The following USF1 variants were observed in gnomAD, a reference collection of about 807,000 sequenced individuals.
The protein encoded by USF1 is upstream stimulatory factor 1.
USF1 carries 22 observed loss-of-function variants against 46.3 expected under a neutral mutation model. That is an observed-to-expected ratio of 0.47 (90% confidence interval 0.34 to 0.68). The LOEUF is 0.68. Ranked by LOEUF, USF1 falls within the 30% of genes least tolerant of loss-of-function variation. The pLI is 0.01. For missense variants in USF1, 287 were observed against 399.3 expected (o/e 0.72, Z 2.40); for synonymous variants, 150 against 147.0 (o/e 1.02, Z -0.15).
At position 161,039,702 on chromosome 1, in the gene USF1, A is replaced by G; in HGVS notation, c.*218T>C. On this transcript the variant is annotated 3_prime_UTR_variant, in exon 11 of 11. Coordinates refer to ENST00000368021, the MANE Select transcript of USF1 (RefSeq NM_007122.5). The stretch of plus-strand genomic sequence containing the variant: ...AGGAGCACAAGGGCCCAGGGGCTGC[A>G]TGGTGGGGGTGGGCAAGGCTGTCAG... The G allele has an allele frequency of 1.7e-6, 1 of 579,816 alleles. No homozygotes were observed. The highest frequency in any genetic ancestry group is 3.1e-6 in the Non-Finnish European group (1 of 324,806). 35.9% of individuals were successfully genotyped at this position (579,816 alleles called of 1,614,324 possible).
chr1:161,039,651 T>C lies in USF1; in HGVS notation c.*269A>G. 2.1e-6 allele frequency: 1 copy of C among 481,962 alleles called. No individual in the cohort carries two copies. The highest frequency in any genetic ancestry group is 3.8e-6 in the Non-Finnish European group (1 of 263,838). 29.9% of individuals were successfully genotyped at this position (481,962 alleles called of 1,614,324 possible). On this transcript the variant is annotated 3_prime_UTR_variant, in exon 11 of 11. Transcript: ENST00000368021. ...AGTTTAGTGTGTCCAGTATCCAGCA[T>C]GGAGACAGCACATGCATTGTGCGAG...
chr1:161,041,455 C>T (rs769540424), intron 6 of USF1, 44 bp from the exon 7 acceptor site: 1 of 1,593,724 alleles, frequency 6.3e-7, no homozygotes, highest in African/African-American at 1.3e-5. Flanking sequence ...TGGGTAGGAA[C>T]CTCACCAAGC....
Position 161,041,639 on chromosome 1 carries a change from G to A in USF1, c.472+12C>T. 6.2e-7 allele frequency: 1 copy of A among 1,600,800 alleles called. No homozygotes were observed. Among genetic ancestry groups the A allele is most frequent in the Non-Finnish European group, 8.5e-7 (1 of 1,170,258 alleles). On this transcript the variant is annotated intron_variant, in intron 6 of 10. Transcript: ENST00000368021. The stretch of plus-strand genomic sequence containing the variant: ...TAGCCCTTTCAGCCAGCATCCTCAT[G>A]CAATATCTCACCAGTGCCAGGAGGG...
chr1:161,040,781 G>C lies in USF1; in HGVS notation c.619+33C>G. On this transcript the variant is annotated intron_variant, in intron 8 of 10. Coordinates refer to ENST00000368021, the MANE Select transcript of USF1 (RefSeq NM_007122.5). The surrounding 1 kb of genome is among the most constrained non-coding windows in gnomAD (Gnocchi z 4.0). ...AGACATCACTGCTGAGATCACACCA[G>C]ACAGCTTCTAGCTCCACCCAGATCA... 1 of 1,613,938 alleles carries C rather than the reference G, an allele frequency of 6.2e-7. No homozygotes were observed. The highest frequency in any genetic ancestry group is 1.1e-5 in the South Asian group (1 of 91,068).
chr1:161,040,440 A>G lies in USF1; in HGVS notation c.715-110T>C, dbSNP rs766960911. ...ATTTTCATCTAAGGAAGGTGGTATA[A>G]TATCTCCCAGGGATACAGGAACCTC... On this transcript the variant is annotated intron_variant, in intron 9 of 10. Transcript: ENST00000368021. The surrounding 1 kb of genome is among the most constrained non-coding windows in gnomAD (Gnocchi z 4.0). The G allele has an allele frequency of 1.3e-5, 20 of 1,573,814 alleles. No individual in the cohort carries two copies. The Admixed American group carries it at 1.9e-4, about 15-fold the overall frequency.
At chr1:161,041,028 G>A (rs911103152) in intron 7 of USF1, among the ~76,000 whole-genome samples, 156 bp from the exon 8 acceptor site, 2 of 152,044 alleles carry the variant, frequency 1.3e-5, no homozygotes, top group African/African-American at 2.4e-5. Context: ...TTGGGAGGCC[G>A]AGGCAGGCGG....
At position 161,040,733 on chromosome 1, in the gene USF1, A is replaced by C; in HGVS notation, c.620-63T>G. The C allele has an allele frequency of 1.2e-6, 2 of 1,612,896 alleles. No individual in the cohort carries two copies. Among genetic ancestry groups the C allele is most frequent in the African/African-American group, 2.7e-5 (2 of 74,912 alleles). ...AACTCGCCACAAGTCCCAGGGTAAA[A>C]TTACCTAATCCCTCCTCCCCTCAGA... On this transcript the variant is annotated intron_variant, in intron 8 of 10. Transcript: ENST00000368021. The surrounding 1 kb of genome is among the most constrained non-coding windows in gnomAD (Gnocchi z 4.0).
In USF1 at chr1:161,040,562, G is replaced by A; in HGVS notation, c.714+14C>T. 1.9e-6 allele frequency: 3 copies of A among 1,610,032 alleles called. No homozygotes were observed. The highest frequency in any genetic ancestry group is 2.5e-6 in the Non-Finnish European group (3 of 1,178,608). On this transcript the variant is annotated intron_variant, in intron 9 of 10. Coordinates refer to ENST00000368021, the MANE Select transcript of USF1 (RefSeq NM_007122.5). This position sits in a 1 kb window ranked among gnomAD's most constrained non-coding sequence, Gnocchi z 4.0. ...ATTCAGGCATCCTGCCCACTACCAG[G>A]GTCTTTCCATGACCTGGCCAGACTT...
Position 161,041,714 on chromosome 1 carries a change from C to T in USF1, c.409G>A (p.Ala137Thr). The T allele has an allele frequency of 6.2e-7, 1 of 1,614,078 alleles. No homozygotes were observed. The highest frequency in any genetic ancestry group is 2.2e-5 in the East Asian group (1 of 44,886). Residue 137 changes from alanine to threonine, a missense_variant, in exon 6 of 11, where the codon GCT (alanine) becomes ACT (threonine). Coordinates refer to ENST00000368021, the MANE Select transcript of USF1 (RefSeq NM_007122.5). ...GAGCCCTGGGTAGTAACAACAGCAGCTGTACTCCCCGATGTGGTACCCCCT... is the reference window on the plus strand; with the variant it reads ...GAGCCCTGGGTAGTAACAACAGCAGTTGTACTCCCCGATGTGGTACCCCCT... ...GAGGTTSGSTAAVVTTQGSEA... is the reference protein window; with the variant it reads ...GAGGTTSGSTTAVVTTQGSEA...
intron 7 of USF1, 47 bp downstream of exon 7, chr1:161,041,277 A>AG: frequency 7.0e-7 from 1 of 1,428,352 alleles, no homozygotes; most frequent in Non-Finnish European, 9.4e-7. Context: ...AAAAAAAAAA[A>AG]AAAAAAAACC....
Position 161,041,411 on chromosome 1 carries a change from C to A in USF1, c.473G>T (p.Gly158Val). ...TGGTGACATCATCACAAAGAATTGA[C>A]CTGTGAAGATGCAGGGTAGGTTCTG... ...LLGQATPPGT[G>V]QFFVMMSPQE... is the part of the protein sequence containing the mutation. Residue 158 changes from glycine to valine, a missense_variant and splice_region_variant, in exon 7 of 11, where the codon GGT becomes GTT. By Grantham distance (109) the Gly-to-Val change is moderately radical (BLOSUM62 -3). Transcript: ENST00000368021. 6.2e-7 allele frequency: 1 copy of A among 1,613,552 alleles called. No individual in the cohort carries two copies. The highest frequency in any genetic ancestry group is 8.5e-7 in the Non-Finnish European group (1 of 1,179,898).
chr1:161,044,469 T>A (rs1650713980), intron 1 of USF1, among the ~76,000 whole-genome samples: 1 of 152,228 alleles, frequency 6.6e-6, no homozygotes, highest in Non-Finnish European at 1.5e-5. Flanking sequence ...AGAATATCCC[T>A]GACCACAAAG....
At position 161,042,144 on chromosome 1, in the gene USF1, C is replaced by G. The variant is rs1473936372; in HGVS notation, c.248G>C (p.Gly83Ala). The G allele has an allele frequency of 1.9e-6, 3 of 1,613,890 alleles. No individual in the cohort carries two copies. The highest frequency in any genetic ancestry group is 2.5e-6 in the Non-Finnish European group (3 of 1,179,880). ...GGTCATGGATTGAGTGGCAGGGTAG[C>G]CACTGATGGCGCCAGTTCCCTCAGT... is the stretch of plus-strand genomic sequence containing the variant. Reference protein sequence around the residue: ...GQTEGTGAISGYPATQSMTQA... With the variant: ...GQTEGTGAISAYPATQSMTQA... The change falls in exon 5 of 11, where the codon GGC becomes GCC. Residue 83 changes from glycine to alanine, a missense_variant. Gly to Ala is a moderately conservative substitution (Grantham distance 60). Transcript: ENST00000368021.
In USF1 at chr1:161,040,584, A is replaced by C; in HGVS notation, c.706T>G (p.Ser236Ala). ...CAGGGTCTTTCCATGACCTGGCCAG[A>C]CTTGGTGCTCTCCATAGAGCAGTCT... ...IPDCSMESTK[S>A]GQSKGGILSK... Residue 236 changes from serine (S) to alanine (A), a missense_variant, in exon 9 of 11, where the codon TCT becomes GCT. Physicochemically the swap from Ser to Ala is moderately conservative, Grantham distance 99. Transcript: ENST00000368021. This position sits in a 1 kb window ranked among gnomAD's most constrained non-coding sequence, Gnocchi z 4.0. The C allele has an allele frequency of 6.2e-7, 1 of 1,612,340 alleles. No individual in the cohort carries two copies. The highest frequency in any genetic ancestry group is 8.5e-7 in the Non-Finnish European group (1 of 1,179,724).
chr1:161,041,438 C>T (rs1213833794), intron 6 of USF1, 27 bp from the exon 7 acceptor site: 1 of 1,609,396 alleles, frequency 6.2e-7, no homozygotes, highest in Admixed American at 1.7e-5. Flanking sequence ...TAGGTTCTGT[C>T]AGGACATGGG....
chr1:161,044,687 G>GT (rs1650722589), intron 1 of USF1, among the ~76,000 whole-genome samples: 1 of 109,746 alleles, frequency 9.1e-6, no homozygotes, highest in African/African-American at 2.7e-5. Context: ...GCAAGAAGGG[G>GT]TAAAAAAAAA....
In USF1 at chr1:161,042,367, C is replaced by T. The variant is rs181108039; in HGVS notation, c.175-150G>A. 451 of 1,052,868 alleles carry T rather than the reference C, an allele frequency of 4.3e-4. No homozygotes were observed. The highest frequency in any genetic ancestry group is 8.5e-4 in the African/African-American group (53 of 62,578). 65.2% of individuals were successfully genotyped at this position (1,052,868 alleles called of 1,614,324 possible). The stretch of plus-strand genomic sequence containing the variant: ...GATTCAGCCATTCTCCCTTCTTTCC[C>T]CACACAGAGGTTTCAGCATACATCT... On this transcript the variant is annotated intron_variant, in intron 4 of 10. Coordinates refer to ENST00000368021, the MANE Select transcript of USF1 (RefSeq NM_007122.5).
intron 6 of USF1, 22 bp downstream of exon 6, chr1:161,041,629 G>GTA (rs1557906046): frequency 6.3e-7 from 1 of 1,593,988 alleles, no homozygotes; most frequent in Non-Finnish European, 8.6e-7. Flanking sequence ...CTTTCAGCCA[G>GTA]CATCCTCATG....
chr1:161,043,447 C>G, intron 1 of USF1, 87 bp from the exon 2 acceptor site: 1 of 1,016,176 alleles, frequency 9.8e-7, no homozygotes, highest in Non-Finnish European at 1.4e-6. Flanking sequence ...AACACATAGC[C>G]AGGAAAATAA....
Sources: allele counts gnomAD v4.1 joint callset (sites outside exome capture counted in the v4.1 genomes callset), GRCh38; gene constraint gnomAD v4.1.1; non-coding constraint Gnocchi (gnomAD v3.1); transcripts MANE v1.5; gene names NCBI Gene and HGNC (gene_info 2026-07-23, HGNC 2026-07-21).